CSMD1: variants seen among roughly 807,000 people sequenced by gnomAD.
CSMD1 encodes CUB and sushi domain-containing protein 1.
Under a neutral mutation model 417.5 loss-of-function variants are expected in CSMD1, and 213 were observed. The ratio of observed to expected loss-of-function variants is 0.51; its 90% confidence interval spans 0.46 to 0.57. The LOEUF is 0.57. Among genes scored for constraint, CSMD1 ranks in the 20% least tolerant of loss-of-function variants. The pLI is 0.00. For synonymous variants in CSMD1, 2,862 were observed against 1,736.8 expected (o/e 1.65, Z -16.11); for missense variants, 6,923 against 4,529.7 (o/e 1.53, Z -15.17).
chr8:4,135,234 G>T (rs1339169451), intron 3 of CSMD1, among the ~76,000 whole-genome samples: 2 of 151,904 alleles, frequency 1.3e-5, no homozygotes, highest in Non-Finnish European at 2.9e-5. Context: ...CTGTCCCATG[G>T]GAATATATTT....
At chr8:4,302,606 C>G (rs539121542) in intron 3 of CSMD1, among the ~76,000 whole-genome samples, 42 of 152,286 alleles carry the variant, frequency 2.8e-4, no homozygotes, top group Admixed American at 3.9e-4. Context: ...AGGGGATTCT[C>G]TCCTATGTTG....
chr8:4,414,054 C>T (rs529588874), intron 3 of CSMD1, among the ~76,000 whole-genome samples: 1 of 152,088 alleles, frequency 6.6e-6, no homozygotes, highest in African/African-American at 2.4e-5. Flanking sequence ...ACATTTCTAT[C>T]CTGCCAGGTG....
chr8:3,497,956 C>A (rs1178704553), intron 10 of CSMD1, among the ~76,000 whole-genome samples: 2 of 152,144 alleles, frequency 1.3e-5, no homozygotes, highest in Non-Finnish European at 2.9e-5. Flanking sequence ...ATGAAGGGCT[C>A]CCATAAGCAT....
intron 5 of CSMD1, among the ~76,000 whole-genome samples, chr8:3,990,393 G>A (rs928716707): frequency 6.6e-6 from 1 of 152,156 alleles, no homozygotes; most frequent in African/African-American, 2.4e-5. Context: ...AGAATGGTAA[G>A]GATGGAGACG....
intron 3 of CSMD1, among the ~76,000 whole-genome samples, chr8:4,208,715 T>A (rs1011798471): frequency 1.3e-5 from 2 of 152,132 alleles, no homozygotes; most frequent in Non-Finnish European, 2.9e-5. Context: ...TATAGCAGAA[T>A]TAAGGCAATA....
chr8:3,323,663 C>G (rs909587960), intron 23 of CSMD1, among the ~76,000 whole-genome samples: 3 of 152,194 alleles, frequency 2.0e-5, no homozygotes, highest in Non-Finnish European at 4.4e-5. Flanking sequence ...AACACATGAC[C>G]TGGGATATGA....
At chr8:3,031,436 C>T (rs895334959) in intron 50 of CSMD1, among the ~76,000 whole-genome samples, 7 of 151,966 alleles carry the variant, frequency 4.6e-5, no homozygotes, top group Admixed American at 3.3e-4. Flanking sequence ...GCACGTTGTG[C>T]ACATGTACCC....
At chr8:3,424,626 T>C (rs911298395) in intron 12 of CSMD1, among the ~76,000 whole-genome samples, 6 of 152,240 alleles carry the variant, frequency 3.9e-5, no homozygotes, top group Non-Finnish European at 7.3e-5. Context: ...ACAAAATCTT[T>C]CTTATTCATT....
intron 3 of CSMD1, among the ~76,000 whole-genome samples, chr8:4,387,821 G>T (rs149952105): frequency 6.6e-6 from 1 of 152,126 alleles, no homozygotes; most frequent in African/African-American, 2.4e-5. Flanking sequence ...AACCGTGTAG[G>T]TTTCTTTTCA....
chr8:3,933,054 C>T (rs1810262713), intron 5 of CSMD1, among the ~76,000 whole-genome samples: 1 of 104,480 alleles, frequency 9.6e-6, no homozygotes, highest in South Asian at 3.3e-4. Context: ...CTGCTTGTGG[C>T]AAATTATCTC....
chr8:4,928,830 G>A (rs1054317935), intron 1 of CSMD1, among the ~76,000 whole-genome samples: 1 of 152,140 alleles, frequency 6.6e-6, no homozygotes, highest in Non-Finnish European at 1.5e-5. Flanking sequence ...AGGACTTTGG[G>A]AGGCTGAGGT....
At chr8:4,622,876 T>G (rs895206806) in intron 2 of CSMD1, among the ~76,000 whole-genome samples, 1 of 152,152 alleles carries the variant, frequency 6.6e-6, no homozygotes, top group Non-Finnish European at 1.5e-5. Context: ...CATGGAATCT[T>G]TAAAACAACT....
intron 1 of CSMD1, among the ~76,000 whole-genome samples, chr8:4,749,208 C>T (rs1360868199): frequency 6.6e-6 from 1 of 152,226 alleles, no homozygotes; most frequent in African/African-American, 2.4e-5. Context: ...CTTAACAAAT[C>T]TGAAAACTTT....
chr8:4,823,251 G>T (rs968302306), intron 1 of CSMD1, among the ~76,000 whole-genome samples: 1 of 151,794 alleles, frequency 6.6e-6, no homozygotes, highest in Non-Finnish European at 1.5e-5. Flanking sequence ...TCTTATGCTT[G>T]TGTTTTCCAA....
intron 3 of CSMD1, among the ~76,000 whole-genome samples, chr8:4,376,747 A>G (rs749670630): frequency 1.8e-4 from 28 of 152,210 alleles, no homozygotes; most frequent in Non-Finnish European, 3.1e-4. Context: ...TTATTCACCC[A>G]GCTGCAATAT....
At chr8:4,678,843 T>C (rs902356831) in intron 1 of CSMD1, among the ~76,000 whole-genome samples, 2 of 152,222 alleles carry the variant, frequency 1.3e-5, no homozygotes, top group Non-Finnish European at 2.9e-5. Context: ...CAATGTTTCC[T>C]CAGTCACTGC....
chr8:4,503,414 T>C (rs542271737), intron 2 of CSMD1, among the ~76,000 whole-genome samples: 1 of 152,130 alleles, frequency 6.6e-6, no homozygotes, highest in Non-Finnish European at 1.5e-5. Context: ...ATAAAATAAG[T>C]CGAGAAAATA....
chr8:3,242,774 T>C (rs185950779), intron 26 of CSMD1, among the ~76,000 whole-genome samples: 2 of 151,538 alleles, frequency 1.3e-5, no homozygotes, highest in Middle Eastern at 3.4e-3. Context: ...TCGGGGTTTC[T>C]TACCCTCCAG....
chr8:3,219,125 C>T, intron 29 of CSMD1, 130 bp downstream of exon 29: 1 of 690,482 alleles, frequency 1.4e-6, no homozygotes, highest in Non-Finnish European at 2.4e-6. Flanking sequence ...CATGTATCTT[C>T]CCAGACAGAG....
Sources: gnomAD v4.1 joint callset for allele counts (sites outside exome capture counted in the v4.1 genomes callset) on GRCh38, gnomAD v4.1.1 for gene constraint, MANE v1.5 for transcripts, NCBI Gene and HGNC (gene_info 2026-07-23, HGNC 2026-07-21) for gene names.